Variants in CNTN5 observed in about 807,000 individuals in gnomAD.
The protein encoded by CNTN5 is contactin-5.
Under a neutral mutation model 129.1 loss-of-function variants are expected in CNTN5, and 77 were observed. That is an observed-to-expected ratio of 0.60 (90% CI 0.50 to 0.72). The LOEUF (loss-of-function observed/expected upper bound fraction) is 0.72, where lower values mean the gene tolerates loss of function less well. Ranked by LOEUF, CNTN5 falls within the 30% of genes least tolerant of loss-of-function variation. The pLI, the probability that CNTN5 is intolerant of heterozygous loss-of-function variation, is 0.00. For missense variants in CNTN5, 1,478 were observed against 1,328.8 expected (o/e 1.11, Z -1.75); for synonymous variants, 509 against 465.6 (o/e 1.09, Z -1.20).
intron 3 of CNTN5, among the ~76,000 whole-genome samples, chr11:99,773,832 G>A (rs751842493): frequency 2.0e-5 from 3 of 151,986 alleles, no homozygotes; most frequent in Admixed American, 6.6e-5. Flanking sequence ...AAGGCCCTTC[G>A]TGAGATGATC....
At chr11:99,670,144 T>C (rs1335660426) in intron 3 of CNTN5, among the ~76,000 whole-genome samples, 1 of 152,124 alleles carries the variant, frequency 6.6e-6, no homozygotes, top group African/African-American at 2.4e-5. Flanking sequence ...TGTTCTCCCA[T>C]CCCACTCCCC....
intron 2 of CNTN5, among the ~76,000 whole-genome samples, chr11:99,440,791 G>A (rs958385599): frequency 4.6e-5 from 7 of 152,194 alleles, no homozygotes; most frequent in African/African-American, 1.7e-4. Context: ...GTCCAGGCTT[G>A]GAAGTCATAT....
chr11:100,199,675 A>T (rs1235188612), intron 15 of CNTN5, among the ~76,000 whole-genome samples: 1 of 151,906 alleles, frequency 6.6e-6, no homozygotes, highest in African/African-American at 2.4e-5. Context: ...CTCAAAGTAG[A>T]AATCATTCCG....
chr11:99,274,549 A>G (rs1330483986), intron 1 of CNTN5, among the ~76,000 whole-genome samples: 1 of 151,596 alleles, frequency 6.6e-6, no homozygotes, highest in Non-Finnish European at 1.5e-5. Context: ...TTCAAATGTT[A>G]TGGAAATATA....
chr11:99,181,604 A>C (rs1858070545), intron 1 of CNTN5, among the ~76,000 whole-genome samples: 1 of 150,260 alleles, frequency 6.7e-6, no homozygotes, highest in South Asian at 2.1e-4. Flanking sequence ...AGACATGATG[A>C]CCCAGGTACT....
chr11:100,193,465 T>C (rs1316006572), intron 14 of CNTN5, 23 bp from the exon 15 acceptor site: 1 of 1,401,944 alleles, frequency 7.1e-7, no homozygotes, highest in East Asian at 2.4e-5. Context: ...ATTATCTTAA[T>C]TAACGTATTT....
chr11:99,308,639 C>T (rs1864973169), intron 1 of CNTN5, among the ~76,000 whole-genome samples: 1 of 152,138 alleles, frequency 6.6e-6, no homozygotes, highest in Non-Finnish European at 1.5e-5. Flanking sequence ...ATATGAATTA[C>T]TATAAGCTTT....
At chr11:100,157,174 C>G (rs555168900) in intron 13 of CNTN5, among the ~76,000 whole-genome samples, 1 of 151,686 alleles carries the variant, frequency 6.6e-6, no homozygotes, top group East Asian at 2.0e-4. Context: ...TTATTAAACC[C>G]TTATAATGGC....
At chr11:99,623,116 G>A (rs1329856676) in intron 3 of CNTN5, among the ~76,000 whole-genome samples, 1 of 152,024 alleles carries the variant, frequency 6.6e-6, no homozygotes, top group African/African-American at 2.4e-5. Context: ...AGGTTTTCCT[G>A]ATAATCCCCC....
intron 21 of CNTN5, among the ~76,000 whole-genome samples, chr11:100,318,708 A>G (rs534897029): frequency 4.6e-5 from 7 of 152,210 alleles, no homozygotes; most frequent in Non-Finnish European, 8.8e-5. Context: ...GCACCTGACA[A>G]TGTACTTGTG....
At chr11:99,824,739 T>C (rs1294364050) in intron 4 of CNTN5, among the ~76,000 whole-genome samples, 1 of 152,006 alleles carries the variant, frequency 6.6e-6, no homozygotes, top group Non-Finnish European at 1.5e-5. Context: ...GAAATTATTT[T>C]TGTATGTAAT....
intron 2 of CNTN5, among the ~76,000 whole-genome samples, chr11:99,392,396 A>G (rs565790255): frequency 6.6e-6 from 1 of 151,874 alleles, no homozygotes; most frequent in South Asian, 2.1e-4. Flanking sequence ...CCCCTCCTTC[A>G]TAGGATTTAG....
At chr11:99,255,849 C>T (rs73534976) in intron 1 of CNTN5, among the ~76,000 whole-genome samples, 2,603 of 151,740 alleles carry the variant, frequency 0.017, 86 homozygotes, top group African/African-American at 0.06. Context: ...CACACACACA[C>T]CCCACATTGG....
At chr11:99,649,210 T>C (rs889868776) in intron 3 of CNTN5, among the ~76,000 whole-genome samples, 2 of 151,742 alleles carry the variant, frequency 1.3e-5, no homozygotes, top group African/African-American at 4.8e-5. Context: ...AAAAATAGTC[T>C]TGCTAATTAC....
At chr11:99,322,526 CT>C (rs2136000467) in intron 1 of CNTN5, among the ~76,000 whole-genome samples, 1 of 152,246 alleles carries the variant, frequency 6.6e-6, no homozygotes, top group Non-Finnish European at 1.5e-5. Flanking sequence ...GTGCTGAATA[CT>C]GTCTTGAAGT....
Position 100,074,472 on chromosome 11 carries a change from T to C in CNTN5, c.1580+178T>C. The C allele has an allele frequency of 1.3e-5, 7 of 552,886 alleles. No homozygotes were observed. In the South Asian group the frequency reaches 2.0e-4, roughly 15 times the overall value. The allele number at this position is 552,886 out of a possible 1,614,324, so 34.2% of individuals were successfully genotyped here. A position where few individuals can be genotyped will look rare whatever the true frequency, so the allele number is the denominator to read the frequency against. ...AAGAACCCAAAGTTTGACTTCAAAA[T>C]GGTCAGTCTTCTTTGACTCCATGGG... is the stretch of plus-strand genomic sequence containing the variant. On this transcript the variant is annotated intron_variant, in intron 13 of 24. Coordinates refer to ENST00000524871, the MANE Select transcript of CNTN5 (RefSeq NM_014361.4).
intron 1 of CNTN5, among the ~76,000 whole-genome samples, chr11:99,223,811 T>G (rs72998301): frequency 0.031 from 4,669 of 152,272 alleles, 106 homozygotes; most frequent in Middle Eastern, 0.068. Context: ...TTATATTCAT[T>G]CTAAATTCTG....
chr11:99,319,742 T>C (rs577827741), intron 1 of CNTN5, among the ~76,000 whole-genome samples: 5 of 152,292 alleles, frequency 3.3e-5, no homozygotes, highest in African/African-American at 9.6e-5. Context: ...TTATTTGATT[T>C]GCAATTTGAA....
chr11:100,204,144 G>C (rs1215117451), intron 15 of CNTN5, among the ~76,000 whole-genome samples: 1 of 149,690 alleles, frequency 6.7e-6, no homozygotes, highest in East Asian at 2.0e-4. Flanking sequence ...AAGTTAGTTA[G>C]GAACATACTT....
Sources: allele counts gnomAD v4.1 joint callset (sites outside exome capture counted in the v4.1 genomes callset), GRCh38; gene constraint gnomAD v4.1.1; transcripts MANE v1.5; gene names NCBI Gene and HGNC (gene_info 2026-07-23, HGNC 2026-07-21).